Variants in CTNNA3 observed in about 807,000 individuals in gnomAD.
CTNNA3 encodes catenin alpha-3.
A neutral mutation model predicts 95.7 loss-of-function variants in CTNNA3; 76 were observed. The observed-to-expected ratio is 0.79, with a 90% CI of 0.66 to 0.96. The LOEUF is 0.96. Ranked by LOEUF, CTNNA3 falls within the 40% of genes least tolerant of loss-of-function variation. The pLI, the probability that CTNNA3 is intolerant of heterozygous loss-of-function variation, is 0.00. For synonymous variants in CTNNA3, 431 were observed against 374.4 expected (o/e 1.15, Z -1.74); for missense variants, 1,191 against 1,089.8 (o/e 1.09, Z -1.31).
chr10:66,243,613 A>G (rs1485442058), intron 13 of CTNNA3, among the ~76,000 whole-genome samples: 2 of 152,192 alleles, frequency 1.3e-5, no homozygotes, highest in African/African-American at 4.8e-5. Context: ...AAACCAATGT[A>G]CATCTTACAT....
intron 11 of CTNNA3, among the ~76,000 whole-genome samples, chr10:66,488,527 C>T (rs186437979): frequency 1.3e-4 from 20 of 152,188 alleles, no homozygotes; most frequent in African/African-American, 4.8e-4. Flanking sequence ...AATGGAATGG[C>T]TATTAGTAGT....
chr10:66,621,751 C>A lies in CTNNA3; in HGVS notation c.1315G>T (p.Glu439Ter). 6.2e-7 allele frequency: 1 copy of A among 1,611,830 alleles called. No individual in the cohort carries two copies. Among genetic ancestry groups the A allele is most frequent in the Non-Finnish European group, 8.5e-7 (1 of 1,178,970 alleles). Residue 439 changes from glutamate to a stop codon, truncating the protein, a stop_gained, in exon 10 of 18, where the codon GAA becomes TAA. Transcript: ENST00000433211. LOFTEE classifies it high-confidence loss of function. The part of the protein sequence containing the change: ...ANLACSMSTN[E>*]DGIKIVKIAA... The stretch of plus-strand genomic sequence containing the variant: ...ATTTTGACAATTTTAATTCCATCTT[C>A]ATTTGTTGACATGGAACAAGCAAGA...
intron 9 of CTNNA3, among the ~76,000 whole-genome samples, chr10:66,629,645 T>A (rs1414316909): frequency 6.6e-6 from 1 of 152,058 alleles, no homozygotes; most frequent in African/African-American, 2.4e-5. Flanking sequence ...CACCTTTCCA[T>A]CCCCACATCA....
intron 7 of CTNNA3, among the ~76,000 whole-genome samples, chr10:66,961,481 C>T (rs2132772495): frequency 6.6e-6 from 1 of 152,264 alleles, no homozygotes; most frequent in East Asian, 1.9e-4. Flanking sequence ...TTCTTCCAAC[C>T]TCACTGGGAC....
chr10:66,940,094 G>A lies in CTNNA3; in HGVS notation c.1048-164570C>T, dbSNP rs183529771. Among the ~76,000 whole-genome samples, 234 of 152,154 alleles carry A rather than the reference G, an allele frequency of 1.5e-3. 4 individuals are homozygous for A. The South Asian group carries it at 0.024, about 16-fold the overall frequency. On this transcript the variant is annotated intron_variant, in intron 7 of 17. Transcript: ENST00000433211. ...GTGTTTGTTTTTGCTTTCAGTACTG[G>A]AATCTGCTTGGTCCAACTTAGGTAG...
chr10:66,365,309 C>G (rs989716173), intron 12 of CTNNA3, among the ~76,000 whole-genome samples: 4 of 152,136 alleles, frequency 2.6e-5, no homozygotes, highest in Admixed American at 6.6e-5. Context: ...ACTGCATGTT[C>G]TCACTCATAA....
intron 11 of CTNNA3, among the ~76,000 whole-genome samples, chr10:66,415,450 CTCGCATTGCCT>C (rs1160192232): frequency 6.6e-6 from 1 of 152,136 alleles, no homozygotes; most frequent in African/African-American, 2.4e-5. Flanking sequence ...ACCACTGCCA[CTCGCATTGCCT>C]ACGCCATATT....
At chr10:65,920,907 GC>G (rs1343622597) in intron 17 of CTNNA3, among the ~76,000 whole-genome samples, 3 of 152,114 alleles carry the variant, frequency 2.0e-5, no homozygotes, top group African/African-American at 7.2e-5. Context: ...TATTGTCTAT[GC>G]CCAAACATAA....
At chr10:67,192,165 T>C (rs767921652) in intron 6 of CTNNA3, among the ~76,000 whole-genome samples, 3 of 152,036 alleles carry the variant, frequency 2.0e-5, no homozygotes, top group African/African-American at 4.8e-5. Context: ...ATTCTTGACA[T>C]TGGTCTCAAC....
intron 7 of CTNNA3, among the ~76,000 whole-genome samples, chr10:66,923,573 C>A (rs903873123): frequency 2.6e-5 from 4 of 152,174 alleles, no homozygotes; most frequent in Non-Finnish European, 4.4e-5. Context: ...TCAGTATTAC[C>A]CTTCTGTGCT....
chr10:67,707,075 T>A (rs2133608258), intron 1 of CTNNA3, among the ~76,000 whole-genome samples: 1 of 152,278 alleles, frequency 6.6e-6, no homozygotes, highest in South Asian at 2.1e-4. Context: ...CCACTGATCC[T>A]ACTTACAAAA....
At chr10:66,269,353 T>C (rs2091228160) in intron 13 of CTNNA3, among the ~76,000 whole-genome samples, 1 of 152,178 alleles carries the variant, frequency 6.6e-6, no homozygotes, top group African/African-American at 2.4e-5. Context: ...ATTGTCAATG[T>C]GAGTTTTTGG....
intron 13 of CTNNA3, among the ~76,000 whole-genome samples, chr10:66,232,948 G>C (rs368672013): frequency 6.6e-6 from 1 of 151,948 alleles, no homozygotes; most frequent in African/African-American, 2.4e-5. Flanking sequence ...ACGAGGTCAG[G>C]AGATCGAGAC....
intron 5 of CTNNA3, among the ~76,000 whole-genome samples, chr10:67,318,512 C>T (rs541092686): frequency 6.6e-6 from 1 of 152,178 alleles, no homozygotes. Context: ...AACCAAAGAA[C>T]AAACAATGTT....
chr10:66,291,765 T>C (rs1054254627), intron 12 of CTNNA3, among the ~76,000 whole-genome samples: 3 of 151,554 alleles, frequency 2.0e-5, no homozygotes, highest in Non-Finnish European at 2.9e-5. Flanking sequence ...TATATCTGTC[T>C]GTATATATGT....
intron 7 of CTNNA3, among the ~76,000 whole-genome samples, chr10:67,107,999 T>A (rs1275910050): frequency 6.6e-6 from 1 of 152,210 alleles, no homozygotes; most frequent in Non-Finnish European, 1.5e-5. Context: ...ATTCAAATTG[T>A]CTGTGAACCT....
At chr10:67,726,432 C>A (rs1368999652) in intron 1 of CTNNA3, among the ~76,000 whole-genome samples, 6 of 51,408 alleles carry the variant, frequency 1.2e-4, no homozygotes, top group Admixed American at 3.5e-4. Flanking sequence ...TATATTATAT[C>A]ATATATAATA....
At chr10:66,546,796 T>C (rs1842047823) in intron 10 of CTNNA3, among the ~76,000 whole-genome samples, 2 of 152,092 alleles carry the variant, frequency 1.3e-5, no homozygotes, top group African/African-American at 4.8e-5. Flanking sequence ...ATCATGGGGA[T>C]TACAATTCAA....
At chr10:66,496,695 AG>A (rs1333054523) in intron 11 of CTNNA3, among the ~76,000 whole-genome samples, 2 of 152,330 alleles carry the variant, frequency 1.3e-5, no homozygotes, top group African/African-American at 4.8e-5. Flanking sequence ...TTTAGTTGAC[AG>A]TGAACACACG....
Sources: allele counts gnomAD v4.1 joint callset (sites outside exome capture counted in the v4.1 genomes callset), GRCh38; gene constraint gnomAD v4.1.1; transcripts MANE v1.5; gene names NCBI Gene and HGNC (gene_info 2026-07-23, HGNC 2026-07-21).